CCDC7: variants seen among roughly 807,000 people sequenced by gnomAD.
CCDC7 encodes coiled-coil domain-containing protein 7.
In CCDC7, 183 loss-of-function variants were observed where a neutral mutation model predicts 196.9. That is an observed-to-expected ratio of 0.93 (90% confidence interval 0.82 to 1.05). CCDC7 has a LOEUF of 1.05. Among genes scored for constraint, CCDC7 ranks in the 50% least tolerant of loss-of-function variants. The pLI is 0.00. For missense variants in CCDC7, 1,540 were observed against 1,482.2 expected (o/e 1.04, Z -0.64); for synonymous variants, 525 against 484.6 (o/e 1.08, Z -1.10).
At chr10:32,497,025 CT>C (rs1051914190) in intron 9 of CCDC7, among the ~76,000 whole-genome samples, 32 of 152,148 alleles carry the variant, frequency 2.1e-4, no homozygotes, top group African/African-American at 6.5e-4. Flanking sequence ...TGGTCCTGGA[CT>C]TTTTTTGGTT....
chr10:32,457,569 A>G (rs1411963468), intron 3 of CCDC7, among the ~76,000 whole-genome samples: 1 of 152,162 alleles, frequency 6.6e-6, no homozygotes, highest in African/African-American at 2.4e-5. Context: ...GCTGGATCAT[A>G]TGGTAGTTCT....
At chr10:32,792,103 A>C (rs961410971) in intron 29 of CCDC7, among the ~76,000 whole-genome samples, 2 of 152,220 alleles carry the variant, frequency 1.3e-5, no homozygotes, top group African/African-American at 4.8e-5. Flanking sequence ...ATACCCATCA[A>C]AGATGTTCTG....
chr10:32,619,207 T>C (rs1042612374), intron 18 of CCDC7, among the ~76,000 whole-genome samples: 3 of 152,010 alleles, frequency 2.0e-5, no homozygotes, highest in African/African-American at 4.8e-5. Context: ...TCCTAAAGCA[T>C]CAAGTAACAT....
At chr10:32,703,617 C>T (rs2079150000) in intron 24 of CCDC7, among the ~76,000 whole-genome samples, 2 of 152,074 alleles carry the variant, frequency 1.3e-5, no homozygotes, top group South Asian at 4.1e-4. Flanking sequence ...TGTTTTCCAA[C>T]TTGGTTCCAT....
Position 32,467,106 on chromosome 10 carries a change from C to CT in CCDC7, c.511-3944dup, listed in dbSNP as rs35747517. Among the ~76,000 whole-genome samples the CT allele has an allele frequency of 4.3e-3, 611 of 142,606 alleles. 4 individuals are homozygous for CT. Among genetic ancestry groups the CT allele is most frequent in the African/African-American group, 0.01 (407 of 38,972 alleles). 93.6% of individuals were successfully genotyped at this position (142,606 alleles called of 152,430 possible). On this transcript the variant is annotated intron_variant, in intron 5 of 41. Coordinates refer to ENST00000639629, the Ensembl canonical transcript of CCDC7. ...AAGCGTCGTTCATGTCCTTTGTCCA[C>CT]TTTTTTTTTTTTTTGAGACAGAGTC...
intron 33 of CCDC7, among the ~76,000 whole-genome samples, chr10:32,844,166 T>A (rs1321869474): frequency 1.3e-5 from 2 of 151,978 alleles, no homozygotes; most frequent in Admixed American, 1.3e-4. Flanking sequence ...TGAACTCTCC[T>A]TTCATAACTT....
At chr10:32,490,781 G>A (rs1204453726) in intron 8 of CCDC7, among the ~76,000 whole-genome samples, 1 of 151,992 alleles carries the variant, frequency 6.6e-6, no homozygotes, top group East Asian at 1.9e-4. Flanking sequence ...CTGGGCGACA[G>A]AGCGAGACTC....
At chr10:32,830,219 G>A (rs1268775553) in intron 32 of CCDC7, among the ~76,000 whole-genome samples, 1 of 140,340 alleles carries the variant, frequency 7.1e-6, no homozygotes, top group African/African-American at 2.5e-5. Flanking sequence ...AACATTAGAA[G>A]CTTCATGTTG....
At position 32,629,151 on chromosome 10, in the gene CCDC7, T is replaced by A. The variant is rs191103178; in HGVS notation, c.1802-5103T>A. On this transcript the variant is annotated intron_variant, in intron 18 of 41. Transcript: ENST00000639629. ...GTTGTTTTTCCCTTCAGACATTTAA[T>A]ATTTGCTTTATGTTTTTAGGTTCTC... Among the ~76,000 whole-genome samples the A allele has an allele frequency of 2.0e-3, 297 of 152,282 alleles. 1 individual carries two copies. Among genetic ancestry groups the A allele is most frequent in the Middle Eastern group, 6.8e-3 (2 of 294 alleles).
chr10:32,596,892 TCTG>T (rs2060428321), intron 18 of CCDC7, among the ~76,000 whole-genome samples: 1 of 152,230 alleles, frequency 6.6e-6, no homozygotes, highest in Non-Finnish European at 1.5e-5. Context: ...TGCCGAGACA[TCTG>T]CTGTTAGTCT....
chr10:32,750,630 C>T (rs907943199), intron 28 of CCDC7, among the ~76,000 whole-genome samples: 1 of 152,140 alleles, frequency 6.6e-6, no homozygotes, highest in African/African-American at 2.4e-5. Flanking sequence ...GCCATGGTTC[C>T]ACTGGCTGAA....
chr10:32,530,947 G>T (rs2049552851), intron 11 of CCDC7, among the ~76,000 whole-genome samples: 1 of 152,052 alleles, frequency 6.6e-6, no homozygotes, highest in Non-Finnish European at 1.5e-5. Context: ...TACCTATTTT[G>T]ATGAGGGTTT....
intron 9 of CCDC7, chr10:32,513,894 C>T (rs1054183979): frequency 1.3e-5 from 2 of 152,170 alleles, no homozygotes; most frequent in Non-Finnish European, 2.9e-5. Flanking sequence ...ACATCATACT[C>T]AGTGGTGAGA....
At chr10:32,504,115 G>GGTTTTT (rs1564481000) in intron 9 of CCDC7, among the ~76,000 whole-genome samples, 1 of 96,272 alleles carries the variant, frequency 1.0e-5, no homozygotes. Flanking sequence ...TTTATTGCTG[G>GGTTTTT]TTTTTTTTTT....
At chr10:32,635,241 A>C (rs1038443204) in intron 20 of CCDC7, 83 bp downstream of exon 21, 1 of 390,440 alleles carries the variant, frequency 2.6e-6, no homozygotes, top group East Asian at 3.7e-5. Context: ...TATATCTACA[A>C]CTTTTTTTGT....
intron 31 of CCDC7, among the ~76,000 whole-genome samples, chr10:32,816,510 G>A (rs1194821449): frequency 6.6e-6 from 1 of 152,194 alleles, no homozygotes; most frequent in East Asian, 1.9e-4. Context: ...GCACGCAGCT[G>A]GAGATCTGAG....
At chr10:32,695,791 G>A (rs1243981503) in intron 24 of CCDC7, among the ~76,000 whole-genome samples, 1 of 152,134 alleles carries the variant, frequency 6.6e-6, no homozygotes, top group Non-Finnish European at 1.5e-5. Context: ...TGCCGAAAAG[G>A]GCATTTACAA....
In CCDC7 at chr10:32,777,792, A is replaced by G. The variant is rs530391868; in HGVS notation, c.2906-1185A>G. ...AACAGGAGAATCGCTTGAACCTGGG[A>G]GGCGGAGGTTGCAGTAAGCCAAGAT... On this transcript the variant is annotated intron_variant, in intron 28 of 41. Coordinates refer to ENST00000639629, the Ensembl canonical transcript of CCDC7. 2.6e-5 allele frequency among the ~76,000 whole-genome samples: 4 copies of G among 152,212 alleles called. No individual in the cohort carries two copies. The East Asian group carries it at 7.7e-4, about 29-fold the overall frequency.
intron 30 of CCDC7, among the ~76,000 whole-genome samples, chr10:32,810,325 A>G (rs896519090): frequency 6.6e-6 from 1 of 152,146 alleles, no homozygotes. Flanking sequence ...GAATGGAAAA[A>G]ATATTCCATG....
Sources: gnomAD v4.1 joint callset for allele counts (sites outside exome capture counted in the v4.1 genomes callset) on GRCh38, gnomAD v4.1.1 for gene constraint, MANE v1.5 for transcripts, NCBI Gene and HGNC (gene_info 2026-07-23, HGNC 2026-07-21) for gene names.